The following MYO16 variants were observed in gnomAD, a reference collection of about 807,000 sequenced individuals.
MYO16 encodes the protein myosin XVI.
A neutral mutation model predicts 205.3 loss-of-function variants in MYO16; 94 were observed. The observed-to-expected ratio is 0.46, with a 90% CI of 0.39 to 0.54. The LOEUF (loss-of-function observed/expected upper bound fraction) is 0.54, where lower values mean the gene tolerates loss of function less well. Ranked by LOEUF, MYO16 falls within the 20% of genes least tolerant of loss-of-function variation. The pLI is 0.00. For missense variants in MYO16, 2,315 were observed against 2,387.5 expected (o/e 0.97, Z 0.63); for synonymous variants, 988 against 954.0 (o/e 1.04, Z -0.66).
intron 20 of MYO16, among the ~76,000 whole-genome samples, chr13:108,982,424 C>T (rs943833908): frequency 2.0e-5 from 3 of 151,844 alleles, no homozygotes; most frequent in African/African-American, 2.4e-5. Context: ...AAAAAAGGAG[C>T]GTTTGGGCTG....
intron 3 of MYO16, among the ~76,000 whole-genome samples, chr13:108,723,551 T>C (rs1275591847): frequency 6.6e-6 from 1 of 152,158 alleles, no homozygotes; most frequent in African/African-American, 2.4e-5. Context: ...GTGTACCCAA[T>C]TGTTTCAGTA....
intron 12 of MYO16, among the ~76,000 whole-genome samples, chr13:108,870,642 CAA>C (rs1156298556): frequency 6.6e-6 from 1 of 151,688 alleles, no homozygotes; most frequent in African/African-American, 2.4e-5. Context: ...ATTTAATCTT[CAA>C]AAGTTTTTGG....
chr13:109,164,323 T>C (rs1044092588), intron 32 of MYO16, among the ~76,000 whole-genome samples: 2 of 152,192 alleles, frequency 1.3e-5, no homozygotes, highest in Non-Finnish European at 2.9e-5. Flanking sequence ...TTCAGTGGAA[T>C]TTGGACAGTG....
chr13:108,820,909 TAATA>T (rs10593617), intron 8 of MYO16, among the ~76,000 whole-genome samples: 128,797 of 151,838 alleles, frequency 0.85, 58,542 homozygotes, highest in Non-Finnish European at 1. Context: ...ACTTATTTTT[TAATA>T]AATATATTTT....
intron 33 of MYO16, chr13:109,166,501 A>G (rs1878673741): frequency 6.6e-6 from 1 of 152,286 alleles, no homozygotes; most frequent in Non-Finnish European, 1.5e-5. Context: ...GGATGATTGA[A>G]GTCTTAGGGA....
At chr13:108,701,275 GT>G (rs772068826) in intron 2 of MYO16, among the ~76,000 whole-genome samples, 3 of 152,128 alleles carry the variant, frequency 2.0e-5, no homozygotes, top group Non-Finnish European at 4.4e-5. Flanking sequence ...TGTTTGGAAT[GT>G]TTGTCACCCC....
At chr13:108,776,317 GA>G (rs570967365) in intron 4 of MYO16, among the ~76,000 whole-genome samples, 410 of 152,280 alleles carry the variant, frequency 2.7e-3, no homozygotes, top group African/African-American at 9.5e-3. Context: ...CTAAGGCATA[GA>G]TTACATAGAG....
intron 3 of MYO16, among the ~76,000 whole-genome samples, chr13:108,724,512 A>G (rs1289887026): frequency 6.6e-6 from 1 of 152,124 alleles, no homozygotes; most frequent in African/African-American, 2.4e-5. Context: ...GGTTACTTAT[A>G]TGTTTGGTTG....
chr13:108,964,895 C>G lies in MYO16; in HGVS notation c.2362C>G (p.Gln788Glu), dbSNP rs367906631. Residue 788 changes from glutamine (Q) to glutamate (E), a missense_variant, in exon 20 of 35, where the codon CAG becomes GAG. Gln to Glu is a conservative substitution (Grantham distance 29, BLOSUM62 2). Coordinates refer to ENST00000457511, the MANE Select transcript of MYO16 (RefSeq NM_001198950.3). ...TTCTTGCCTCCACAGTCAAGATGAACAGAAAAGGTAGGAGTTGATGGATGT... is the reference window on the plus strand; with the variant it reads ...TTCTTGCCTCCACAGTCAAGATGAAGAGAAAAGGTAGGAGTTGATGGATGT... Reference protein sequence around the residue: ...MNSCLHSQDEQKSMQTLDIGI... With the variant: ...MNSCLHSQDEEKSMQTLDIGI... 5.0e-6 allele frequency: 8 copies of G among 1,591,186 alleles called. No individual in the cohort carries two copies. In the African/African-American group the frequency reaches 9.4e-5, roughly 19 times the overall value.
the MYO16 span, among the ~76,000 whole-genome samples, chr13:108,576,543 T>A: frequency 6.6e-6 from 1 of 152,252 alleles, no homozygotes; most frequent in East Asian, 1.9e-4. Flanking sequence ...TAAGAATCTA[T>A]GCTATCTGAA....
At chr13:109,100,642 A>C in intron 27 of MYO16, 143 bp from the exon 28 acceptor site, 1 of 579,252 alleles carries the variant, frequency 1.7e-6, no homozygotes, top group South Asian at 2.3e-5. Flanking sequence ...GTAAATGCAC[A>C]ATGGACAGGT....
At chr13:108,500,160 T>C in the MYO16 span, among the ~76,000 whole-genome samples, 1 of 149,772 alleles carries the variant, frequency 6.7e-6, no homozygotes, top group Non-Finnish European at 1.5e-5. Flanking sequence ...AATCCTAATC[T>C]TGATTGTTCT....
At chr13:108,887,561 T>C (rs1323553113) in intron 13 of MYO16, among the ~76,000 whole-genome samples, 1 of 152,292 alleles carries the variant, frequency 6.6e-6, no homozygotes, top group South Asian at 2.1e-4. Context: ...ATATAATATT[T>C]ACCATTTTTA....
At chr13:109,089,563 G>A (rs972620724) in intron 27 of MYO16, among the ~76,000 whole-genome samples, 4 of 151,978 alleles carry the variant, frequency 2.6e-5, no homozygotes, top group African/African-American at 4.8e-5. Context: ...TCTGTATGTT[G>A]GTTGTCTTTA....
chr13:109,205,294 C>T (rs527601007), intron 34 of MYO16, among the ~76,000 whole-genome samples: 2 of 152,254 alleles, frequency 1.3e-5, no homozygotes, highest in South Asian at 4.1e-4. Context: ...CTCCTTGATC[C>T]CAGCCTTTAA....
At chr13:108,837,764 C>A (rs1027154313) in intron 9 of MYO16, among the ~76,000 whole-genome samples, 1 of 152,174 alleles carries the variant, frequency 6.6e-6, no homozygotes, top group Non-Finnish European at 1.5e-5. Context: ...AGTGATACTG[C>A]ACTTAGATTT....
At chr13:108,998,127 T>A (rs1885095429) in intron 21 of MYO16, among the ~76,000 whole-genome samples, 1 of 152,234 alleles carries the variant, frequency 6.6e-6, no homozygotes, top group African/African-American at 2.4e-5. Flanking sequence ...GAAATCATGA[T>A]GCTAGAGATG....
the MYO16 span, among the ~76,000 whole-genome samples, chr13:108,582,778 C>T: frequency 6.6e-6 from 1 of 152,158 alleles, no homozygotes; most frequent in Non-Finnish European, 1.5e-5. Flanking sequence ...CGAAGGCAAA[C>T]TATTACAGTT....
chr13:108,693,691 A>G (rs1882984864), intron 2 of MYO16, among the ~76,000 whole-genome samples: 1 of 152,174 alleles, frequency 6.6e-6, no homozygotes. Flanking sequence ...TATAAATGTA[A>G]GTCTTTGTTG....
Sources: allele counts gnomAD v4.1 joint callset (sites outside exome capture counted in the v4.1 genomes callset), GRCh38; gene constraint gnomAD v4.1.1; transcripts MANE v1.5; gene names NCBI Gene and HGNC (gene_info 2026-07-23, HGNC 2026-07-21).